LRP1B: variants seen among roughly 807,000 people sequenced by gnomAD.
LRP1B encodes LDL receptor related protein 1B.
In LRP1B, 217 loss-of-function variants were observed where a neutral mutation model predicts 556.6. The ratio of observed to expected loss-of-function variants is 0.39; its 90% CI spans 0.35 to 0.44. The LOEUF is 0.44. Among genes scored for constraint, LRP1B ranks in the 20% least tolerant of loss-of-function variants. LRP1B has a pLI of 1.00. For synonymous variants in LRP1B, 2,047 were observed against 1,865.8 expected, an observed-to-expected ratio of 1.10 and a Z score of -2.50; for missense variants, 5,053 against 5,620.8, an observed-to-expected ratio of 0.90 and a Z score of 3.23.
At chr2:140,876,555 A>G (rs12691577) in intron 25 of LRP1B, among the ~76,000 whole-genome samples, 127,583 of 152,150 alleles carry the variant, frequency 0.84, 53,906 homozygotes, top group Non-Finnish European at 0.89. Context: ...GCAAAAACTG[A>G]CCTCATACCT....
intron 84 of LRP1B, among the ~76,000 whole-genome samples, chr2:140,276,445 T>C (rs1298291841): frequency 1.3e-5 from 2 of 151,896 alleles, no homozygotes; most frequent in African/African-American, 4.8e-5. Context: ...AAATTTAACA[T>C]AGTGTTAGTA....
intron 41 of LRP1B, among the ~76,000 whole-genome samples, chr2:140,614,939 G>A (rs189709606): frequency 3.8e-4 from 58 of 152,254 alleles, no homozygotes; most frequent in Admixed American, 3.8e-3. Flanking sequence ...GTTCATTCCT[G>A]GGCATAGGCC....
chr2:140,763,652 A>G (rs552664647), intron 35 of LRP1B, among the ~76,000 whole-genome samples: 6 of 152,268 alleles, frequency 3.9e-5, no homozygotes, highest in African/African-American at 1.4e-4. Flanking sequence ...TAAATGCCTA[A>G]TAGGGGCTTG....
intron 41 of LRP1B, 77 bp downstream of exon 41, chr2:140,700,173 C>A: frequency 7.9e-7 from 1 of 1,269,604 alleles, no homozygotes; most frequent in African/African-American, 1.5e-5. Context: ...TTGCTACATG[C>A]AATTACCACT....
At chr2:140,391,406 A>C (rs1684012855) in intron 66 of LRP1B, among the ~76,000 whole-genome samples, 1 of 152,310 alleles carries the variant, frequency 6.6e-6, no homozygotes, top group Admixed American at 6.5e-5. Flanking sequence ...AAGGAGCATC[A>C]GGGAAGTATC....
In LRP1B at chr2:140,526,328, C is replaced by A; in HGVS notation, c.7785G>T (p.Glu2595Asp). 6.2e-7 allele frequency: 1 copy of A among 1,611,572 alleles called. No homozygotes were observed. Among genetic ancestry groups the A allele is most frequent in the Non-Finnish European group, 8.5e-7 (1 of 1,178,270 alleles). The change falls in exon 48 of 91, where the codon GAG becomes GAT. Residue 2595 changes from glutamate (E) to aspartate (D), a missense_variant. Physicochemically the swap from Glu to Asp is conservative, Grantham distance 45. Around this residue, in one of 5 missense-constraint regions of LRP1B, gnomAD observed 3,619 missense variants for 3,931.9 expected, o/e 0.92. Transcript: ENST00000389484. ...TACAAGTCCCATCTGCACAGCGGAA[C>A]TCAACCGTGGCACAGGTTGAAACTA... ...DCKVSTCATV[E>D]FRCADGTCIP...
At chr2:140,624,539 C>T (rs887686261) in intron 41 of LRP1B, among the ~76,000 whole-genome samples, 1 of 152,240 alleles carries the variant, frequency 6.6e-6, no homozygotes, top group Non-Finnish European at 1.5e-5. Context: ...AGATACTTAT[C>T]GCTGAGGAGT....
intron 1 of LRP1B, among the ~76,000 whole-genome samples, chr2:141,987,689 T>C (rs1050110893): frequency 6.6e-6 from 1 of 151,852 alleles, no homozygotes; most frequent in Non-Finnish European, 1.5e-5. Context: ...TGTTTTTATA[T>C]GAGATTTATT....
At chr2:140,241,641 A>T (rs1430759334) in intron 87 of LRP1B, among the ~76,000 whole-genome samples, 1 of 150,850 alleles carries the variant, frequency 6.6e-6, no homozygotes, top group African/African-American at 2.4e-5. Context: ...ATGTTTATGT[A>T]ACCAATCAAA....
chr2:140,642,583 T>C (rs1246855118), intron 41 of LRP1B, among the ~76,000 whole-genome samples: 1 of 152,142 alleles, frequency 6.6e-6, no homozygotes, highest in Non-Finnish European at 1.5e-5. Context: ...GGCTCACACC[T>C]GTAATCCCAG....
intron 7 of LRP1B, among the ~76,000 whole-genome samples, chr2:141,076,785 A>G (rs922963075): frequency 6.6e-6 from 1 of 152,136 alleles, no homozygotes; most frequent in Non-Finnish European, 1.5e-5. Context: ...CCTGGCCTCC[A>G]CCTCTAGAGA....
At chr2:141,999,878 C>G (rs960934855) in intron 1 of LRP1B, among the ~76,000 whole-genome samples, 29 of 151,700 alleles carry the variant, frequency 1.9e-4, no homozygotes, top group African/African-American at 6.8e-4. Context: ...TACAAACTCC[C>G]TAATTTGGTA....
intron 32 of LRP1B, among the ~76,000 whole-genome samples, chr2:140,807,923 C>G (rs1256765468): frequency 1.3e-5 from 2 of 151,998 alleles, no homozygotes; most frequent in African/African-American, 4.8e-5. Context: ...GAAACCCCGT[C>G]TCTACTGAAA....
intron 32 of LRP1B, among the ~76,000 whole-genome samples, chr2:140,783,990 C>T (rs930249105): frequency 2.0e-5 from 3 of 152,104 alleles, no homozygotes; most frequent in Non-Finnish European, 2.9e-5. Context: ...GGGTGGGGCC[C>T]AACAATTTGC....
chr2:141,083,880 T>C (rs1027555159), intron 7 of LRP1B, among the ~76,000 whole-genome samples: 1 of 152,188 alleles, frequency 6.6e-6, no homozygotes, highest in South Asian at 2.1e-4. Flanking sequence ...CTGTAAGAAA[T>C]ACATTTTGTT....
intron 7 of LRP1B, among the ~76,000 whole-genome samples, chr2:141,161,351 A>G (rs1297433072): frequency 9.2e-5 from 14 of 152,130 alleles, no homozygotes; most frequent in Non-Finnish European, 2.1e-4. Flanking sequence ...ATGAGCAAAA[A>G]GTAAATTTGT....
intron 16 of LRP1B, among the ~76,000 whole-genome samples, chr2:140,989,934 G>C (rs1359313266): frequency 6.6e-6 from 1 of 152,054 alleles, no homozygotes; most frequent in Non-Finnish European, 1.5e-5. Flanking sequence ...GGCCAGGCGT[G>C]GTGGCTCACG....
intron 41 of LRP1B, among the ~76,000 whole-genome samples, chr2:140,657,513 G>C (rs1036009781): frequency 3.3e-5 from 5 of 150,238 alleles, no homozygotes; most frequent in Admixed American, 2.0e-4. Context: ...GAAAAAATAA[G>C]AGGGCTGGCT....
Position 141,651,589 on chromosome 2 carries a change from C to T in LRP1B, c.205+158690G>A, listed in dbSNP as rs562727310. Among the ~76,000 whole-genome samples, 23 of 152,128 alleles carry T rather than the reference C, an allele frequency of 1.5e-4. No homozygotes were observed. The South Asian group carries it at 3.1e-3, about 21-fold the overall frequency. On this transcript the variant is annotated intron_variant, in intron 2 of 90. Transcript: ENST00000389484. ...CTGAGGCACAAGAATTGCTTGAGCCCGGGAGGTGGAGGTTGCAGTGAGCAG... is the reference window on the plus strand; with the variant it reads ...CTGAGGCACAAGAATTGCTTGAGCCTGGGAGGTGGAGGTTGCAGTGAGCAG...
Sources: gnomAD v4.1 joint callset for allele counts (sites outside exome capture counted in the v4.1 genomes callset) on GRCh38, gnomAD v4.1.1 for gene constraint, gnomAD v4.1.1 regional missense constraint, MANE v1.5 for transcripts, NCBI Gene and HGNC (gene_info 2026-07-23, HGNC 2026-07-21) for gene names.